ETS2: variants seen among roughly 807,000 people sequenced by gnomAD.
ETS2 encodes protein C-ets-2.
A neutral mutation model predicts 54.9 loss-of-function variants in ETS2; 19 were observed. The ratio of observed to expected loss-of-function variants is 0.35; its 90% CI spans 0.24 to 0.51. The LOEUF (loss-of-function observed/expected upper bound fraction) is 0.51. ETS2 is among the 20% of genes least tolerant of loss of function. The pLI, the probability that ETS2 is intolerant of heterozygous loss-of-function variation, is 0.97. For synonymous variants in ETS2, 219 were observed against 229.3 expected (o/e 0.95, Z 0.41); for missense variants, 417 against 593.0 (o/e 0.70, Z 3.08).
intron 1 of ETS2, among the ~76,000 whole-genome samples, chr21:38,807,117 TGAG>T (rs1045704306): frequency 1.3e-5 from 2 of 152,238 alleles, no homozygotes; most frequent in Non-Finnish European, 2.9e-5. Flanking sequence ...ATTAAAATTC[TGAG>T]TAGTAGCGCA....
Position 38,814,715 on chromosome 21 carries a change from CAG to C in ETS2, c.305-65_305-64del. ...TACTTGGTGCATAAATTAGGGATGA[CAG>C]TGGTCTCACTACCTTTCCACTGTTT... On this transcript the variant is annotated intron_variant, in intron 4 of 9. Transcript: ENST00000360938. The surrounding 1 kb of genome is among the most constrained non-coding windows in gnomAD (Gnocchi z 4.2). 5.7e-6 allele frequency: 8 copies of C among 1,396,290 alleles called. No homozygotes were observed. Among genetic ancestry groups the C allele is most frequent in the Non-Finnish European group, 8.1e-6 (8 of 988,866 alleles). The allele number at this position is 1,396,290 out of a possible 1,614,324, so 86.5% of individuals were successfully genotyped here. A position where few individuals can be genotyped will look rare whatever the true frequency, so the allele number is the denominator to read the frequency against.
chr21:38,813,773 C>T (rs2060922427), intron 3 of ETS2, among the ~76,000 whole-genome samples: 1 of 152,222 alleles, frequency 6.6e-6, no homozygotes, highest in Non-Finnish European at 1.5e-5. Context: ...AGCCATTTAT[C>T]ATTCTTGAAA....
At position 38,819,766 on chromosome 21, in the gene ETS2, G is replaced by T; in HGVS notation, c.1075G>T (p.Gly359Ter). 1 of 1,611,986 alleles carries T rather than the reference G, an allele frequency of 6.2e-7. No homozygotes were observed. Among genetic ancestry groups the T allele is most frequent in the South Asian group, 1.1e-5 (1 of 90,888 alleles). ...IPAAVLAGFT[G>*]SGPIQLWQFL... ...TGCAGCTGTGCTGGCCGGCTTCACA[G>T]GTGTGTGTGGAACTCCGAGAGCCTG... The change falls in exon 8 of 10, where the codon GGA becomes TGA. Residue 359 changes from glycine to a stop codon, truncating the protein, a stop_gained and splice_region_variant. Transcript: ENST00000360938. LOFTEE classifies it high-confidence loss of function.
Position 38,806,014 on chromosome 21 carries a change from A to C in ETS2, c.-107A>C. The C allele has an allele frequency of 7.9e-7, 1 of 1,260,778 alleles. No homozygotes were observed. Among genetic ancestry groups the C allele is most frequent in the East Asian group, 7.3e-5 (1 of 13,620 alleles). 78.1% of individuals were successfully genotyped at this position (1,260,778 alleles called of 1,614,324 possible). The stretch of plus-strand genomic sequence containing the variant: ...GCCCGGCCAGCGTCCGGCCTCCCTG[A>C]TCGTCTCTGGCCGGCGCCCTCGCCC... On this transcript the variant is annotated 5_prime_UTR_variant, in exon 1 of 10. Transcript: ENST00000360938. This position sits in a 1 kb window ranked among gnomAD's most constrained non-coding sequence, Gnocchi z 4.3.
chr21:38,820,333 G>GT (rs2060952806), intron 8 of ETS2, among the ~76,000 whole-genome samples: 1 of 152,020 alleles, frequency 6.6e-6, no homozygotes, highest in East Asian at 1.9e-4. Flanking sequence ...TTTTGTTTTT[G>GT]TTTTTTTAAC....
intron 2 of ETS2, among the ~76,000 whole-genome samples, chr21:38,811,473 C>G (rs997863336): frequency 6.6e-6 from 1 of 152,144 alleles, no homozygotes; most frequent in African/African-American, 2.4e-5. Context: ...AAAAAGAAAG[C>G]GGGTAACCGA....
At chr21:38,819,242 C>G (rs1190947531) in intron 7 of ETS2, among the ~76,000 whole-genome samples, 1 of 152,192 alleles carries the variant, frequency 6.6e-6, no homozygotes, top group Non-Finnish European at 1.5e-5. Flanking sequence ...TTGGATGTAG[C>G]AGCCATGTGT....
chr21:38,819,154 T>C (rs144027915), intron 7 of ETS2, among the ~76,000 whole-genome samples: 1,565 of 152,354 alleles, frequency 0.01, 17 homozygotes, highest in Admixed American at 0.021. Context: ...TTCTTGAACT[T>C]TACATAGATG....
At chr21:38,805,916 TG>T, upstream of ETS2, 1 of 1,241,516 alleles carries the variant, frequency 8.1e-7, no homozygotes, top group Non-Finnish European at 1.0e-6. The surrounding 1 kb of genome is among the most constrained non-coding windows in gnomAD (Gnocchi z 5.2). Context: ...GCGCGCCGCG[TG>T]GGGGACGGCC....
Position 38,819,605 on chromosome 21 carries a change from T to A in ETS2, c.914T>A (p.Val305Glu). ...SWNSQSSLLD[V>E]QRVPSFESFE... ...AACAGCCAGTCGTCCTTGCTGGATG[T>A]GCAACGGGTTCCTTCCTTCGAGAGC... The change falls in exon 8 of 10, where the codon GTG becomes GAG. Residue 305 changes from valine (V) to glutamate (E), a missense_variant. Around this residue, in one of 3 missense-constraint regions of ETS2, gnomAD observed 326 missense variants for 426.1 expected, o/e 0.76. Transcript: ENST00000360938. 6.2e-7 allele frequency: 1 copy of A among 1,614,224 alleles called. No individual in the cohort carries two copies.
Position 38,814,717 on chromosome 21 carries a change from G to C in ETS2, c.305-64G>C, listed in dbSNP as rs2060926119. On this transcript the variant is annotated intron_variant, in intron 4 of 9. Transcript: ENST00000360938. This position sits in a 1 kb window ranked among gnomAD's most constrained non-coding sequence, Gnocchi z 4.2. ...CTTGGTGCATAAATTAGGGATGACAGTGGTCTCACTACCTTTCCACTGTTT... is the reference window on the plus strand; with the variant it reads ...CTTGGTGCATAAATTAGGGATGACACTGGTCTCACTACCTTTCCACTGTTT... The C allele has an allele frequency of 7.1e-7, 1 of 1,416,836 alleles. No individual in the cohort carries two copies. 87.8% of individuals were successfully genotyped at this position (1,416,836 alleles called of 1,614,324 possible).
At chr21:38,817,152 ATC>A in intron 6 of ETS2, 61 bp downstream of exon 6, 1 of 1,129,158 alleles carries the variant, frequency 8.9e-7, no homozygotes. Flanking sequence ...TAGACTTGGA[ATC>A]TCTCTACTGT....
rs2060895244 is a variant in ETS2 at position 38,806,846 on chromosome 21, G to A, written c.-1+726G>A. 2 of 985,390 alleles carry A rather than the reference G, an allele frequency of 2.0e-6. No individual in the cohort carries two copies. Among genetic ancestry groups the A allele is most frequent in the Non-Finnish European group, 2.4e-6 (2 of 829,866 alleles). 61.0% of individuals were successfully genotyped at this position (985,390 alleles called of 1,614,324 possible). The stretch of plus-strand genomic sequence containing the variant: ...TTGCTTGTGTGTGTTTGGGTTGCGT[G>A]TGTGTTATCCTATTTTATTTTTTAC... On this transcript the variant is annotated intron_variant, in intron 1 of 9. Coordinates refer to ENST00000360938, the MANE Select transcript of ETS2 (RefSeq NM_005239.6). This position sits in a 1 kb window ranked among gnomAD's most constrained non-coding sequence, Gnocchi z 4.3.
Position 38,821,187 on chromosome 21 carries a change from C to T in ETS2, c.1076-399C>T, listed in dbSNP as rs1033189604. On this transcript the variant is annotated intron_variant, in intron 8 of 9. Coordinates refer to ENST00000360938, the MANE Select transcript of ETS2 (RefSeq NM_005239.6). This position sits in a 1 kb window ranked among gnomAD's most constrained non-coding sequence, Gnocchi z 4.2. ...ACCCCCTCAGCCACCCCCATCTCTG[C>T]CCCACTGGGTGTTTCTAGAAAAAAA... Among the ~76,000 whole-genome samples the T allele has an allele frequency of 4.6e-5, 7 of 152,156 alleles. No individual in the cohort carries two copies. Among genetic ancestry groups the T allele is most frequent in the Non-Finnish European group, 1.0e-4 (7 of 68,004 alleles).
At chr21:38,808,488 G>T (rs1265106215) in intron 1 of ETS2, among the ~76,000 whole-genome samples, 2 of 152,106 alleles carry the variant, frequency 1.3e-5, no homozygotes, top group African/African-American at 4.8e-5. Context: ...ACCAGCCTTT[G>T]TTGGCTACCA....
rs2060925390 is a variant in ETS2, at chr21:38,814,503, A to G, written c.304+111A>G. 1 of 1,348,462 alleles carries G rather than the reference A, an allele frequency of 7.4e-7. No homozygotes were observed. The highest frequency in any genetic ancestry group is 2.1e-5 in the Admixed American group (1 of 48,358). 83.5% of individuals were successfully genotyped at this position (1,348,462 alleles called of 1,614,324 possible). A position where few individuals can be genotyped will look rare whatever the true frequency, so the allele number is the denominator to read the frequency against. On this transcript the variant is annotated intron_variant, in intron 4 of 9. Transcript: ENST00000360938. The surrounding 1 kb of genome is among the most constrained non-coding windows in gnomAD (Gnocchi z 4.2). ...TTGCTTGGGGTATTCTGCAAAGAGT[A>G]GCATGGATGTCGTTAACCTGAGCCA...
At chr21:38,811,828 TTTTTG>T (rs1368095663) in intron 2 of ETS2, among the ~76,000 whole-genome samples, 3 of 152,332 alleles carry the variant, frequency 2.0e-5, no homozygotes, top group East Asian at 1.9e-4. Context: ...ATTTGGGTTT[TTTTTG>T]TTTTGTTTTA....
intron 1 of ETS2, among the ~76,000 whole-genome samples, chr21:38,808,590 A>ATGTGTGTGTGTGTGTGTGTGTGTG (rs56269044): frequency 1.3e-5 from 2 of 148,342 alleles, no homozygotes; most frequent in African/African-American, 5.0e-5. Context: ...GTGTGTGTGT[A>ATGTGTGTGTGTGTGTGTGTGTGTG]TGTGTGTGTG....
chr21:38,815,543 C>T (rs1207501493), intron 5 of ETS2, among the ~76,000 whole-genome samples: 1 of 151,948 alleles, frequency 6.6e-6, no homozygotes, highest in African/African-American at 2.4e-5. Context: ...AGAAACTGGC[C>T]ATTGATCAGT....
Sources: gnomAD v4.1 joint callset for allele counts (sites outside exome capture counted in the v4.1 genomes callset) on GRCh38, gnomAD v4.1.1 for gene constraint, gnomAD v4.1.1 regional missense constraint, Gnocchi (gnomAD v3.1) non-coding constraint, MANE v1.5 for transcripts, NCBI Gene and HGNC (gene_info 2026-07-23, HGNC 2026-07-21) for gene names.